Variants in NMU observed in about 807,000 individuals in gnomAD.
NMU encodes the protein neuromedin U, also known as neuromedin-U.
In NMU, 29 loss-of-function variants were observed where a neutral mutation model predicts 35.4. That is an observed-to-expected ratio of 0.82 (90% CI 0.61 to 1.12). NMU has a LOEUF of 1.12. NMU is among the 50% of genes most tolerant of loss of function. The pLI is 0.00. For synonymous variants in NMU, 78 were observed against 81.3 expected (o/e 0.96, Z 0.22); for missense variants, 199 against 206.2 (o/e 0.97, Z 0.21).
intron 2 of NMU, among the ~76,000 whole-genome samples, chr4:55,619,847 G>T (rs1180213054): frequency 7.2e-6 from 1 of 138,864 alleles, no homozygotes; most frequent in Non-Finnish European, 1.6e-5. Flanking sequence ...CCTCAAGTGG[G>T]TCCCTGACCC....
At chr4:55,611,453 A>G (rs911399781) in intron 3 of NMU, among the ~76,000 whole-genome samples, 4 of 152,204 alleles carry the variant, frequency 2.6e-5, no homozygotes, top group Non-Finnish European at 5.9e-5. Context: ...ATTTTTAAAT[A>G]AATTTAACGC....
chr4:55,634,606 G>A (rs1715801287), intron 1 of NMU, among the ~76,000 whole-genome samples: 2 of 152,146 alleles, frequency 1.3e-5, no homozygotes, highest in African/African-American at 4.8e-5. Flanking sequence ...CAAGCATATA[G>A]CATGCAAATG....
chr4:55,634,275 T>C (rs898474734), intron 1 of NMU, among the ~76,000 whole-genome samples: 7 of 152,142 alleles, frequency 4.6e-5, no homozygotes, highest in Non-Finnish European at 8.8e-5. Flanking sequence ...TCCTACCACA[T>C]TTTTAAAGAG....
At chr4:55,619,146 A>G in intron 2 of NMU, among the ~76,000 whole-genome samples, 1 of 152,060 alleles carries the variant, frequency 6.6e-6, no homozygotes, top group East Asian at 1.9e-4. Flanking sequence ...AACTGATATT[A>G]GGGTTCAGGG....
chr4:55,607,292 A>C lies in NMU; in HGVS notation c.360+6T>G, dbSNP rs1477900729. On this transcript the variant is annotated splice_donor_region_variant and intron_variant, in intron 6 of 9. Coordinates refer to ENST00000264218, the MANE Select transcript of NMU (RefSeq NM_006681.4). Reference sequence around the variant, plus strand: ...GTGATTACTAAGAAGTAGTTCTACAACTTACCACAACATTTGACTTGCCCA... The same window carrying C: ...GTGATTACTAAGAAGTAGTTCTACACCTTACCACAACATTTGACTTGCCCA... 6.3e-7 allele frequency: 1 copy of C among 1,594,690 alleles called. No homozygotes were observed.
chr4:55,634,402 AT>A (rs1715793498), intron 1 of NMU, among the ~76,000 whole-genome samples: 1 of 152,166 alleles, frequency 6.6e-6, no homozygotes, highest in African/African-American at 2.4e-5. Flanking sequence ...CTTGAAAAAT[AT>A]TGGGGATGTT....
At chr4:55,631,300 CA>C (rs770306105) in intron 1 of NMU, among the ~76,000 whole-genome samples, 7 of 152,002 alleles carry the variant, frequency 4.6e-5, no homozygotes, top group Non-Finnish European at 8.8e-5. Flanking sequence ...AAAGCAAATG[CA>C]ACAAAAACAA....
intron 3 of NMU, among the ~76,000 whole-genome samples, chr4:55,610,739 A>G (rs1452983694): frequency 6.6e-6 from 1 of 152,196 alleles, no homozygotes; most frequent in Non-Finnish European, 1.5e-5. Flanking sequence ...AAACATTTTC[A>G]TATACAGTCA....
At chr4:55,625,470 C>G (rs562445789) in intron 2 of NMU, among the ~76,000 whole-genome samples, 1 of 152,160 alleles carries the variant, frequency 6.6e-6, no homozygotes, top group South Asian at 2.1e-4. Context: ...GGCAGAGGCC[C>G]TTGTAATACA....
intron 7 of NMU, 78 bp from the exon 8 acceptor site, chr4:55,600,653 G>A: frequency 3.9e-6 from 4 of 1,023,296 alleles, no homozygotes; most frequent in Non-Finnish European, 6.2e-6. Context: ...GTATATTGAG[G>A]GTCAAAATTA....
At chr4:55,604,027 A>ATATACACGTGTAT (rs1733567304) in intron 7 of NMU, among the ~76,000 whole-genome samples, 1 of 29,006 alleles carries the variant, frequency 3.4e-5, no homozygotes, top group Non-Finnish European at 7.3e-5. Flanking sequence ...GTATATATAT[A>ATATACACGTGTAT]ATCCTAGAAA....
intron 3 of NMU, among the ~76,000 whole-genome samples, chr4:55,614,036 A>G (rs1420230793): frequency 6.6e-6 from 1 of 152,226 alleles, no homozygotes; most frequent in African/African-American, 2.4e-5. Flanking sequence ...GCACCATTCC[A>G]AAGAGATGCA....
chr4:55,602,983 T>C (rs1733483490), intron 7 of NMU, among the ~76,000 whole-genome samples: 1 of 152,152 alleles, frequency 6.6e-6, no homozygotes, highest in African/African-American at 2.4e-5. Context: ...AAAACTTTGA[T>C]GATCTGAACT....
intron 1 of NMU, among the ~76,000 whole-genome samples, chr4:55,633,151 C>T (rs575013940): frequency 1.4e-4 from 22 of 151,860 alleles, no homozygotes; most frequent in South Asian, 1.0e-3. Flanking sequence ...GGTGAAACCT[C>T]GTCTCTACTA....
At chr4:55,629,267 CTG>C (rs1365951088) in intron 2 of NMU, among the ~76,000 whole-genome samples, 2 of 151,926 alleles carry the variant, frequency 1.3e-5, no homozygotes, top group Non-Finnish European at 2.9e-5. Flanking sequence ...AACAATAGTT[CTG>C]TCTTTTTTTT....
In NMU at chr4:55,636,125, A is replaced by G; in HGVS notation, c.68T>C (p.Leu23Pro). 1.3e-6 allele frequency: 2 copies of G among 1,527,232 alleles called. No homozygotes were observed. The highest frequency in any genetic ancestry group is 1.4e-5 in the African/African-American group (1 of 71,786). 94.6% of individuals were successfully genotyped at this position (1,527,232 alleles called of 1,614,324 possible). A position where few individuals can be genotyped will look rare whatever the true frequency, so the allele number is the denominator to read the frequency against. ...AGQVAAASPL[L>P]LLLLLLAWCA... ...CCAGGCGAGCAGCAGCAGCAGCAGC[A>G]GGAGCGGGGACGCCGCGGCCACCTG... The change falls in exon 1 of 10, where the codon CTG becomes CCG. Residue 23 changes from leucine to proline, a missense_variant. Coordinates refer to ENST00000264218, the MANE Select transcript of NMU (RefSeq NM_006681.4). The surrounding 1 kb of genome is among the most constrained non-coding windows in gnomAD (Gnocchi z 4.0).
At chr4:55,632,965 C>T (rs1400249891) in intron 1 of NMU, among the ~76,000 whole-genome samples, 2 of 120,234 alleles carry the variant, frequency 1.7e-5, no homozygotes, top group Non-Finnish European at 3.5e-5. Flanking sequence ...CACAGTTTCA[C>T]TGTGGAAAAA....
chr4:55,619,468 A>G (rs1400019208), intron 2 of NMU, among the ~76,000 whole-genome samples: 2 of 132,774 alleles, frequency 1.5e-5, no homozygotes, highest in Admixed American at 7.7e-5. Flanking sequence ...GGCTTAAGAA[A>G]CGGCGCACCA....
intron 8 of NMU, among the ~76,000 whole-genome samples, chr4:55,600,297 A>C (rs1733370375): frequency 6.6e-6 from 1 of 152,172 alleles, no homozygotes; most frequent in Non-Finnish European, 1.5e-5. Context: ...ATGCTATTTG[A>C]GGTGTTTAAA....
Sources: gnomAD v4.1 joint callset for allele counts (sites outside exome capture counted in the v4.1 genomes callset) on GRCh38, gnomAD v4.1.1 for gene constraint, Gnocchi (gnomAD v3.1) non-coding constraint, MANE v1.5 for transcripts, NCBI Gene and HGNC (gene_info 2026-07-23, HGNC 2026-07-21) for gene names.